Variants in DCDC2C observed in about 807,000 individuals in gnomAD.
The protein encoded by DCDC2C is doublecortin domain-containing protein 2C.
Under a neutral mutation model 45.0 loss-of-function variants are expected in DCDC2C, and 44 were observed. The observed-to-expected ratio is 0.98, with a 90% CI of 0.77 to 1.26. DCDC2C has a LOEUF of 1.26. Ranked by LOEUF, DCDC2C falls within the 50% of genes most tolerant of loss-of-function variation. The probability of loss-of-function intolerance (pLI) is 0.00; values close to 1 mark genes in which losing one functional copy is unlikely to be tolerated. For synonymous variants in DCDC2C, 187 were observed against 178.8 expected (o/e 1.05, Z -0.37); for missense variants, 447 against 468.9 (o/e 0.95, Z 0.43).
chr2:3,708,556 CAT>C lies in DCDC2C; in HGVS notation c.299_300del (p.Ile100SerfsTer21). The C allele has an allele frequency of 1.3e-6, 2 of 1,545,812 alleles. No homozygotes were observed. ...TTCTTTCTTCTTTTGCAGTTATATTCATATAGTTCCCCGAAAACCTGCAAAGA... is the reference window on the plus strand; with the variant it reads ...TTCTTTCTTCTTTTGCAGTTATATTCATAGTTCCCCGAAAACCTGCAAAGA... The part of the protein sequence containing the change: ...RERFKELDYI[H>X]IVPRKPAKIR... On this transcript the variant is annotated frameshift_variant, in exon 2 of 11. Coordinates refer to ENST00000399143, the MANE Select transcript of DCDC2C (RefSeq NM_001287444.2). LOFTEE classifies it high-confidence loss of function.
intron 4 of DCDC2C, among the ~76,000 whole-genome samples, chr2:3,750,695 G>A (rs1004265222): frequency 2.0e-5 from 3 of 152,030 alleles, no homozygotes; most frequent in Admixed American, 2.0e-4. Flanking sequence ...GATGTCTGCC[G>A]GCGAGTTTTC....
intron 3 of DCDC2C, among the ~76,000 whole-genome samples, chr2:3,733,047 T>G (rs1210516334): frequency 6.6e-6 from 1 of 152,250 alleles, no homozygotes; most frequent in Non-Finnish European, 1.5e-5. Flanking sequence ...GATAGATTAC[T>G]TCCAGGAAAA....
At chr2:3,798,664 A>G (rs1353060930) in intron 10 of DCDC2C, among the ~76,000 whole-genome samples, 1 of 150,396 alleles carries the variant, frequency 6.6e-6, no homozygotes, top group Non-Finnish European at 1.5e-5. Flanking sequence ...TTCTGGGTTG[A>G]AAATTCTTTT....
intron 8 of DCDC2C, among the ~76,000 whole-genome samples, chr2:3,775,917 GC>G (rs1670317597): frequency 8.4e-6 from 1 of 119,240 alleles, no homozygotes; most frequent in African/African-American, 3.0e-5. Flanking sequence ...TGTGGGCTAG[GC>G]AGCTGTGGCT....
chr2:3,736,020 C>A (rs1411905241), intron 3 of DCDC2C, among the ~76,000 whole-genome samples: 1 of 152,134 alleles, frequency 6.6e-6, no homozygotes, highest in African/African-American at 2.4e-5. Flanking sequence ...TTCTGCATCC[C>A]AAATACATCT....
chr2:3,800,942 G>A (rs1454242), intron 10 of DCDC2C, among the ~76,000 whole-genome samples: 32,378 of 152,068 alleles, frequency 0.21, 3,646 homozygotes, highest in South Asian at 0.36. Context: ...ATGACTCTTA[G>A]TACTATGATG....
intron 10 of DCDC2C, among the ~76,000 whole-genome samples, chr2:3,826,126 G>A (rs1338583668): frequency 6.6e-6 from 1 of 152,162 alleles, no homozygotes; most frequent in African/African-American, 2.4e-5. Context: ...GAAAATACTT[G>A]TAAGATCCTC....
At chr2:3,824,517 G>T (rs1558243781) in intron 10 of DCDC2C, among the ~76,000 whole-genome samples, 1 of 152,198 alleles carries the variant, frequency 6.6e-6, no homozygotes, top group Non-Finnish European at 1.5e-5. Flanking sequence ...CTCCTTTTCT[G>T]CTAGGCCTTT....
At chr2:3,809,526 C>A (rs1373960677) in intron 10 of DCDC2C, among the ~76,000 whole-genome samples, 1 of 152,114 alleles carries the variant, frequency 6.6e-6, no homozygotes, top group African/African-American at 2.4e-5. Context: ...TTGTTTATTG[C>A]AAACATATAG....
chr2:3,835,202 C>T (rs939055533), intron 10 of DCDC2C, among the ~76,000 whole-genome samples: 1 of 152,174 alleles, frequency 6.6e-6, no homozygotes, highest in African/African-American at 2.4e-5. Flanking sequence ...TAAAATCTTT[C>T]TAAGAAATGC....
At chr2:3,791,771 C>T (rs921753341) in intron 10 of DCDC2C, among the ~76,000 whole-genome samples, 6 of 152,228 alleles carry the variant, frequency 3.9e-5, no homozygotes, top group African/African-American at 9.6e-5. Flanking sequence ...CCTCCCCTCC[C>T]GCCGGCAGAA....
chr2:3,704,110 C>T (rs1216453378), intron 1 of DCDC2C, 72 bp downstream of exon 1: 7 of 1,191,274 alleles, frequency 5.9e-6, no homozygotes, highest in African/African-American at 1.6e-5. Context: ...TGGTCAGGGC[C>T]GTGCCCCCCA....
chr2:3,829,293 T>C (rs2148232639), intron 10 of DCDC2C, among the ~76,000 whole-genome samples: 1 of 151,840 alleles, frequency 6.6e-6, no homozygotes, highest in Non-Finnish European at 1.5e-5. Context: ...TCTTTTTTTT[T>C]TTTTTTTGCA....
rs1670614264 is a variant in DCDC2C at position 3,785,056 on chromosome 2, T to C, written c.1024-3T>C. 8.1e-7 allele frequency: 1 copy of C among 1,231,638 alleles called. No homozygotes were observed. The highest frequency in any genetic ancestry group is 1.0e-6 in the Non-Finnish European group (1 of 987,868). 76.3% of individuals were successfully genotyped at this position (1,231,638 alleles called of 1,614,324 possible). A position where few individuals can be genotyped will look rare whatever the true frequency, so the allele number is the denominator to read the frequency against. ...GATTCCTATATTTGTTTTTTCATAC[T>C]AGGATAAAGAAGATGCAAGGCTTTG... On this transcript the variant is annotated splice_polypyrimidine_tract_variant and splice_region_variant and intron_variant, in intron 9 of 10. Coordinates refer to ENST00000399143, the MANE Select transcript of DCDC2C (RefSeq NM_001287444.2).
At chr2:3,817,206 G>C (rs1317775740) in intron 10 of DCDC2C, among the ~76,000 whole-genome samples, 2 of 152,126 alleles carry the variant, frequency 1.3e-5, no homozygotes, top group African/African-American at 2.4e-5. Context: ...GATGGGATCT[G>C]GTGCCTTTTG....
chr2:3,782,548 G>A (rs1373913281), intron 9 of DCDC2C, among the ~76,000 whole-genome samples: 2 of 150,744 alleles, frequency 1.3e-5, no homozygotes, highest in African/African-American at 2.4e-5. Flanking sequence ...GTGCTATCTC[G>A]GCTCACTGCA....
intron 8 of DCDC2C, among the ~76,000 whole-genome samples, chr2:3,777,406 A>G (rs1228273280): frequency 6.6e-6 from 1 of 152,030 alleles, no homozygotes; most frequent in Non-Finnish European, 1.5e-5. Flanking sequence ...GTTTGTTTGT[A>G]CTCACAATCA....
At chr2:3,778,076 C>T (rs376921050) in intron 8 of DCDC2C, among the ~76,000 whole-genome samples, 1 of 89,540 alleles carries the variant, frequency 1.1e-5, no homozygotes, top group African/African-American at 3.7e-5. Context: ...CCCTGGCCAG[C>T]TGGACGCATG....
chr2:3,810,398 G>C (rs1671366248), intron 10 of DCDC2C, among the ~76,000 whole-genome samples: 1 of 152,176 alleles, frequency 6.6e-6, no homozygotes, highest in Non-Finnish European at 1.5e-5. Flanking sequence ...CTTTCGAAAA[G>C]TGTCTGCTCA....
Sources: allele counts gnomAD v4.1 joint callset (sites outside exome capture counted in the v4.1 genomes callset), GRCh38; gene constraint gnomAD v4.1.1; transcripts MANE v1.5; gene names NCBI Gene and HGNC (gene_info 2026-07-23, HGNC 2026-07-21).